The following NARS2 variants were observed in gnomAD, a reference collection of about 807,000 sequenced individuals.
NARS2 encodes asparaginyl-tRNA synthetase 2, mitochondrial, also known as asparaginyl-tRNA synthetase.
In NARS2, 60 loss-of-function variants were observed where a neutral mutation model predicts 62.9. That is an observed-to-expected ratio of 0.95 (90% CI 0.77 to 1.18). NARS2 has a LOEUF of 1.18. Among genes scored for constraint, NARS2 ranks in the 50% most tolerant of loss-of-function variants. The pLI is 0.00. For missense variants in NARS2, 619 were observed against 576.4 expected (o/e 1.07, Z -0.76); for synonymous variants, 196 against 200.0 (o/e 0.98, Z 0.17).
rs558137669 is a variant in NARS2 at position 78,550,249 on chromosome 11, T to C, written c.594+9290A>G. On this transcript the variant is annotated intron_variant, in intron 5 of 13. Transcript: ENST00000281038. ...TCGACCTTTAATCCTTCCAACAAAATGTAACCTGAAGTGACCTAATGTTAA... is the reference window on the plus strand; with the variant it reads ...TCGACCTTTAATCCTTCCAACAAAACGTAACCTGAAGTGACCTAATGTTAA... Among the ~76,000 whole-genome samples the C allele has an allele frequency of 2.0e-5, 3 of 152,350 alleles. No individual in the cohort carries two copies. In the East Asian group the frequency reaches 5.8e-4, roughly 29 times the overall value.
intron 4 of NARS2, among the ~76,000 whole-genome samples, chr11:78,563,462 T>C (rs1275372154): frequency 2.0e-5 from 3 of 151,838 alleles, no homozygotes; most frequent in Admixed American, 6.6e-5. Flanking sequence ...GTGATCTGCC[T>C]GCCTCGGCCT....
chr11:78,454,504 CA>C (rs1858084778), intron 11 of NARS2, among the ~76,000 whole-genome samples: 1 of 152,084 alleles, frequency 6.6e-6, no homozygotes, highest in Non-Finnish European at 1.5e-5. Context: ...GCCTTTTTGT[CA>C]TGAGTAAAAG....
In NARS2 at chr11:78,559,588, A is replaced by G. The variant is rs748779965; in HGVS notation, c.545T>C (p.Ile182Thr). 6 of 1,613,292 alleles carry G rather than the reference A, an allele frequency of 3.7e-6. No homozygotes were observed. Among genetic ancestry groups the G allele is most frequent in the South Asian group, 2.2e-5 (2 of 91,066 alleles). ...TCCCTCAGAGTCATTGGATGTGATT[A>G]TTGGAGTATGAATATGTACAAAGCC... The part of the protein sequence containing the change: ...DSGFVHIHTP[I>T]ITSNDSEGAG... Residue 182 changes from isoleucine to threonine, a missense_variant, in exon 5 of 14, where the codon ATA becomes ACA. Physicochemically the swap from Ile to Thr is moderately conservative, Grantham distance 89. Transcript: ENST00000281038.
intron 9 of NARS2, among the ~76,000 whole-genome samples, chr11:78,476,020 T>C (rs999429130): frequency 2.0e-5 from 3 of 152,200 alleles, no homozygotes; most frequent in African/African-American, 7.2e-5. Context: ...GCCATCTGTA[T>C]CTTACACAAA....
chr11:78,459,678 C>T (rs546147365), intron 11 of NARS2, among the ~76,000 whole-genome samples: 110 of 152,310 alleles, frequency 7.2e-4, no homozygotes, highest in African/African-American at 2.6e-3. Flanking sequence ...TGAGGCCTCC[C>T]CAGCCATGTG....
At chr11:78,506,641 T>C (rs10751291) in intron 6 of NARS2, among the ~76,000 whole-genome samples, 94,231 of 152,094 alleles carry the variant, frequency 0.62, 33,880 homozygotes, top group Non-Finnish European at 0.81. Context: ...CTCAAGCAAT[T>C]CTCCTGTCTC....
At chr11:78,528,260 G>T (rs1041370556) in intron 6 of NARS2, among the ~76,000 whole-genome samples, 1 of 152,084 alleles carries the variant, frequency 6.6e-6, no homozygotes, top group African/African-American at 2.4e-5. Flanking sequence ...ATTACCCACA[G>T]AATTACAGAA....
intron 7 of NARS2, among the ~76,000 whole-genome samples, chr11:78,487,197 A>T (rs1432918723): frequency 6.6e-6 from 1 of 152,054 alleles, no homozygotes; most frequent in African/African-American, 2.4e-5. Flanking sequence ...CTCTGATAAC[A>T]GTACAAAAAT....
intron 9 of NARS2, among the ~76,000 whole-genome samples, chr11:78,470,657 T>C (rs1027752678): frequency 4.6e-5 from 7 of 152,306 alleles, no homozygotes; most frequent in African/African-American, 1.7e-4. Flanking sequence ...TCTTTTGCTA[T>C]TATAAAACAT....
intron 6 of NARS2, among the ~76,000 whole-genome samples, chr11:78,500,334 G>A (rs1208346442): frequency 6.6e-6 from 1 of 152,100 alleles, no homozygotes; most frequent in Non-Finnish European, 1.5e-5. Flanking sequence ...ATGTCATGGA[G>A]GTTATTATAA....
intron 5 of NARS2, chr11:78,558,501 C>G (rs1002940829): frequency 1.3e-5 from 2 of 152,180 alleles, no homozygotes; most frequent in African/African-American, 4.8e-5. Context: ...ATCCTGACAT[C>G]TTAAAGATAA....
At chr11:78,566,080 AAC>A in intron 4 of NARS2, 50 bp downstream of exon 4, 1 of 1,442,432 alleles carries the variant, frequency 6.9e-7, no homozygotes, top group South Asian at 1.4e-5. Flanking sequence ...ACTGTTTTTA[AAC>A]AGTTATTAAA....
intron 11 of NARS2, among the ~76,000 whole-genome samples, chr11:78,453,477 T>C (rs546896174): frequency 5.3e-5 from 8 of 152,012 alleles, no homozygotes; most frequent in East Asian, 1.9e-4. Flanking sequence ...ATAGGCTAGA[T>C]AGGAACAAGG....
intron 7 of NARS2, among the ~76,000 whole-genome samples, chr11:78,480,443 T>C (rs1460551970): frequency 1.3e-5 from 2 of 151,948 alleles, no homozygotes; most frequent in African/African-American, 2.4e-5. Flanking sequence ...TCAGTGGAGA[T>C]GGGGTTTCAC....
At chr11:78,543,924 G>A (rs541103661) in intron 5 of NARS2, among the ~76,000 whole-genome samples, 26 of 151,316 alleles carry the variant, frequency 1.7e-4, no homozygotes, top group African/African-American at 4.4e-4. Flanking sequence ...CCAGCTACTC[G>A]GGAGGCTGAG....
intron 11 of NARS2, among the ~76,000 whole-genome samples, chr11:78,456,426 C>A (rs978631992): frequency 3.3e-5 from 5 of 152,176 alleles, no homozygotes; most frequent in African/African-American, 1.2e-4. Flanking sequence ...ACAAAAATTT[C>A]TAGGATTCTC....
intron 5 of NARS2, among the ~76,000 whole-genome samples, chr11:78,550,909 TA>T (rs1856076858): frequency 6.6e-6 from 1 of 152,162 alleles, no homozygotes; most frequent in South Asian, 2.1e-4. Flanking sequence ...CAGCTTGATA[TA>T]AAAAGGAATG....
chr11:78,446,217 G>T (rs1393004962), intron 11 of NARS2, among the ~76,000 whole-genome samples: 2 of 152,184 alleles, frequency 1.3e-5, no homozygotes, highest in Non-Finnish European at 2.9e-5. Flanking sequence ...TTTTGATTGA[G>T]ATATACTTTA....
chr11:78,437,783 C>T (rs539758909), intron 13 of NARS2, among the ~76,000 whole-genome samples: 2 of 152,018 alleles, frequency 1.3e-5, no homozygotes, highest in Admixed American at 6.6e-5. Flanking sequence ...AAGGCCAGCA[C>T]TGCCAAAGTG....
Sources: gnomAD v4.1 joint callset for allele counts (sites outside exome capture counted in the v4.1 genomes callset) on GRCh38, gnomAD v4.1.1 for gene constraint, MANE v1.5 for transcripts, NCBI Gene and HGNC (gene_info 2026-07-23, HGNC 2026-07-21) for gene names.